Variants in GSE1 observed in about 807,000 individuals in gnomAD.
The protein encoded by GSE1 is Gse1 coiled-coil protein, also known as genetic suppressor element 1.
GSE1 carries 32 observed loss-of-function variants against 112.6 expected under a neutral mutation model. The ratio of observed to expected loss-of-function variants is 0.28; its 90% CI spans 0.21 to 0.38. GSE1 has a LOEUF of 0.38. GSE1 is among the 10% of genes least tolerant of loss of function. The pLI is 1.00. For missense variants in GSE1, 2,348 were observed against 1,699.2 expected, an observed-to-expected ratio of 1.38 and a Z score of -6.71; for synonymous variants, 1,115 against 735.6, an observed-to-expected ratio of 1.52 and a Z score of -8.35.
intron 1 of GSE1, among the ~76,000 whole-genome samples, chr16:85,197,970 T>A (rs573121657): frequency 6.6e-6 from 1 of 152,062 alleles, no homozygotes; most frequent in Admixed American, 6.5e-5. Context: ...CTAGATACAG[T>A]CAGTGACAAA....
At chr16:85,227,838 A>T (rs1287535848) in intron 1 of GSE1, among the ~76,000 whole-genome samples, 5 of 152,234 alleles carry the variant, frequency 3.3e-5, no homozygotes, top group African/African-American at 1.2e-4. Context: ...TGCTGGCCTC[A>T]TGCCGACCGG....
intron 2 of GSE1, among the ~76,000 whole-genome samples, chr16:85,417,031 A>T (rs1179813067): frequency 1.3e-5 from 2 of 151,796 alleles, no homozygotes; most frequent in East Asian, 3.9e-4. Flanking sequence ...ATTTTTTTGT[A>T]TTTTTTTGTA....
chr16:85,498,103 G>A (rs908138540), intron 2 of GSE1, among the ~76,000 whole-genome samples: 7 of 152,106 alleles, frequency 4.6e-5, no homozygotes, highest in African/African-American at 1.7e-4. Context: ...GGGCAGGGCC[G>A]TGCTGGCTGA....
At chr16:85,519,387 T>A (rs1209561375) in intron 2 of GSE1, among the ~76,000 whole-genome samples, 110 of 64,336 alleles carry the variant, frequency 1.7e-3, no homozygotes, top group African/African-American at 6.4e-3. Context: ...CATCATCACC[T>A]TCACCACCAT....
intron 2 of GSE1, among the ~76,000 whole-genome samples, chr16:85,637,196 G>T (rs760761560): frequency 6.6e-6 from 1 of 152,156 alleles, no homozygotes; most frequent in East Asian, 1.9e-4. Context: ...CCCAGCCCCC[G>T]GCGGCCGCTG....
intron 1 of GSE1, among the ~76,000 whole-genome samples, chr16:85,198,436 A>G (rs1276561419): frequency 6.6e-6 from 1 of 152,132 alleles, no homozygotes; most frequent in Non-Finnish European, 1.5e-5. Flanking sequence ...TGTGGTCAAC[A>G]CAGACCAGAG....
At chr16:85,421,191 C>A (rs572114089) in intron 2 of GSE1, among the ~76,000 whole-genome samples, 7 of 152,314 alleles carry the variant, frequency 4.6e-5, no homozygotes, top group African/African-American at 1.7e-4. Flanking sequence ...GTTCGGAGTG[C>A]AAGCAGGCAC....
intron 2 of GSE1, among the ~76,000 whole-genome samples, chr16:85,545,792 G>A (rs1454994046): frequency 6.6e-6 from 1 of 152,124 alleles, no homozygotes; most frequent in Non-Finnish European, 1.5e-5. Context: ...TTGTTTGTTT[G>A]TTTGTTTTTG....
intron 2 of GSE1, among the ~76,000 whole-genome samples, chr16:85,414,235 C>T (rs916318899): frequency 6.6e-6 from 1 of 152,194 alleles, no homozygotes; most frequent in Non-Finnish European, 1.5e-5. Context: ...AGGGGACTTA[C>T]TCGGAAACAT....
intron 2 of GSE1, among the ~76,000 whole-genome samples, chr16:85,368,446 T>C (rs1405017125): frequency 1.3e-5 from 2 of 152,152 alleles, no homozygotes; most frequent in African/African-American, 4.8e-5. Flanking sequence ...GGCTCCTGCC[T>C]GTAATCCCAG....
chr16:85,450,195 C>T (rs1374627290), intron 2 of GSE1, among the ~76,000 whole-genome samples: 1 of 131,830 alleles, frequency 7.6e-6, no homozygotes, highest in Non-Finnish European at 1.5e-5. Flanking sequence ...GATCTCGGCT[C>T]ACCACAACCT....
At chr16:85,171,046 A>G in exon 1 of GSE1, 2 of 985,754 alleles carry the variant, frequency 2.0e-6, no homozygotes, top group Non-Finnish European at 1.2e-6. Context: ...CAGGAGCGCC[A>G]TGCATTTCCC....
At chr16:85,409,373 G>A (rs1403857581) in intron 2 of GSE1, among the ~76,000 whole-genome samples, 1 of 30,284 alleles carries the variant, frequency 3.3e-5, no homozygotes, top group Non-Finnish European at 6.3e-5. Flanking sequence ...TTACACTCAG[G>A]CCCCCTGGAT....
chr16:85,488,755 G>A (rs1345919711), intron 2 of GSE1, among the ~76,000 whole-genome samples: 1 of 152,194 alleles, frequency 6.6e-6, no homozygotes, highest in Non-Finnish European at 1.5e-5. Flanking sequence ...ACCTTGAGCT[G>A]CCTCTGGGAG....
intron 1 of GSE1, among the ~76,000 whole-genome samples, chr16:85,275,957 G>A (rs1010882091): frequency 6.6e-6 from 1 of 152,258 alleles, no homozygotes; most frequent in Non-Finnish European, 1.5e-5. Context: ...AAAGTCAGAG[G>A]GGGTGCTTTC....
chr16:85,626,877 C>CT (rs1388042525), intron 1 of GSE1, among the ~76,000 whole-genome samples: 13 of 151,810 alleles, frequency 8.6e-5, no homozygotes, highest in African/African-American at 3.1e-4. Flanking sequence ...GTAGAGAGGC[C>CT]TCCCCCCTCG....
chr16:85,198,361 G>C (rs372729201), intron 1 of GSE1, among the ~76,000 whole-genome samples: 1 of 152,218 alleles, frequency 6.6e-6, no homozygotes, highest in Non-Finnish European at 1.5e-5. Flanking sequence ...CATGTCCTTG[G>C]AACGTGTTTT....
intron 2 of GSE1, among the ~76,000 whole-genome samples, chr16:85,476,711 C>T (rs889247385): frequency 6.6e-6 from 1 of 151,412 alleles, no homozygotes; most frequent in Non-Finnish European, 1.5e-5. Flanking sequence ...ACAGCTCAGT[C>T]GATCTTCCCA....
intron 6 of GSE1, 113 bp downstream of exon 6, chr16:85,656,030 C>T: frequency 1.2e-6 from 1 of 822,844 alleles, no homozygotes; most frequent in Non-Finnish European, 1.9e-6. Context: ...CCTGTCCTCA[C>T]AGTTTGTCCA....
Sources: gnomAD v4.1 joint callset for allele counts (sites outside exome capture counted in the v4.1 genomes callset) on GRCh38, gnomAD v4.1.1 for gene constraint, MANE v1.5 for transcripts, NCBI Gene and HGNC (gene_info 2026-07-23, HGNC 2026-07-21) for gene names.